Variants in SS18 observed in about 807,000 individuals in gnomAD.
SS18 encodes protein SSXT.
A neutral mutation model predicts 72.5 loss-of-function variants in SS18; 28 were observed. That is an observed-to-expected ratio of 0.39 (90% CI 0.29 to 0.53). SS18 has a LOEUF of 0.53. Among genes scored for constraint, SS18 ranks in the 20% least tolerant of loss-of-function variants. The pLI, the probability that SS18 is intolerant of heterozygous loss-of-function variation, is 0.76. For synonymous variants in SS18, 172 were observed against 164.2 expected (o/e 1.05, Z -0.37); for missense variants, 518 against 535.3 (o/e 0.97, Z 0.32).
chr18:26,077,602 C>T (rs1159550890), intron 3 of SS18, among the ~76,000 whole-genome samples: 1 of 151,986 alleles, frequency 6.6e-6, no homozygotes, highest in Non-Finnish European at 1.5e-5. Flanking sequence ...GGCCTTTTGG[C>T]TAAGATCACG....
At chr18:26,073,505 T>G (rs1434354025) in intron 3 of SS18, among the ~76,000 whole-genome samples, 1 of 152,238 alleles carries the variant, frequency 6.6e-6, no homozygotes, top group Non-Finnish European at 1.5e-5. Flanking sequence ...TTCCATAAGA[T>G]GATGTTTGCC....
intron 5 of SS18, among the ~76,000 whole-genome samples, chr18:26,045,148 C>A (rs928646105): frequency 6.6e-6 from 1 of 152,208 alleles, no homozygotes; most frequent in Non-Finnish European, 1.5e-5. Context: ...ACAGGTCTCC[C>A]TATTTCACCC....
At chr18:26,049,669 C>G (rs988686730) in intron 5 of SS18, among the ~76,000 whole-genome samples, 1 of 152,086 alleles carries the variant, frequency 6.6e-6, no homozygotes, top group Admixed American at 6.6e-5. Context: ...AGCTACCACG[C>G]CCAGCTAATT....
At chr18:26,040,432 T>G (rs1304107290) in intron 5 of SS18, among the ~76,000 whole-genome samples, 1 of 152,194 alleles carries the variant, frequency 6.6e-6, no homozygotes, top group African/African-American at 2.4e-5. Context: ...TTTTCCCAAC[T>G]TGCTGCTTAT....
intron 3 of SS18, among the ~76,000 whole-genome samples, chr18:26,072,803 A>C (rs1249680167): frequency 1.8e-4 from 26 of 147,252 alleles, no homozygotes; most frequent in African/African-American, 6.9e-4. Context: ...TCTCAAAAAA[A>C]AAAAAAAAAA....
intron 4 of SS18, among the ~76,000 whole-genome samples, chr18:26,055,762 T>TG (rs1555649381): frequency 0.051 from 7,484 of 146,476 alleles, 555 homozygotes; most frequent in African/African-American, 0.18. Flanking sequence ...TTTTTTTTTT[T>TG]TTTGTTTTTT....
chr18:26,073,558 T>C (rs910455913), intron 3 of SS18, among the ~76,000 whole-genome samples: 4 of 152,222 alleles, frequency 2.6e-5, no homozygotes, highest in African/African-American at 4.8e-5. Context: ...ACAAAAGCAA[T>C]AGTGGATATA....
intron 3 of SS18, among the ~76,000 whole-genome samples, chr18:26,068,099 G>A (rs543300691): frequency 5.3e-5 from 8 of 152,238 alleles, no homozygotes; most frequent in African/African-American, 1.7e-4. Flanking sequence ...TTTGCAGCCC[G>A]GTTCCTAACA....
At position 26,063,387 on chromosome 18, in the gene SS18, C is replaced by T. The variant is rs185880786; in HGVS notation, c.232-5645G>A. On this transcript the variant is annotated intron_variant, in intron 3 of 10. Coordinates refer to ENST00000415083, the MANE Select transcript of SS18 (RefSeq NM_001007559.3). ...ACAAAAAATTAGCCAGGCGTGGTGGCGGGCGCCTGTAGTCCCAGCTACTCA... is the reference window on the plus strand; with the variant it reads ...ACAAAAAATTAGCCAGGCGTGGTGGTGGGCGCCTGTAGTCCCAGCTACTCA... Among the ~76,000 whole-genome samples, 490 of 152,136 alleles carry T rather than the reference C, an allele frequency of 3.2e-3. 1 individual carries two copies. Among genetic ancestry groups the T allele is most frequent in the African/African-American group, 8.0e-3 (334 of 41,512 alleles).
At chr18:26,071,432 T>C (rs1010738310) in intron 3 of SS18, among the ~76,000 whole-genome samples, 1 of 152,216 alleles carries the variant, frequency 6.6e-6, no homozygotes, top group Non-Finnish European at 1.5e-5. Flanking sequence ...TACATTGATA[T>C]CTGAATTTTC....
intron 9 of SS18, among the ~76,000 whole-genome samples, chr18:26,034,187 CA>C (rs1485979262): frequency 6.6e-6 from 1 of 151,794 alleles, no homozygotes; most frequent in Non-Finnish European, 1.5e-5. Flanking sequence ...CACAGGTAGA[CA>C]AAGATGTCCA....
chr18:26,052,383 T>C (rs915986636), intron 5 of SS18, among the ~76,000 whole-genome samples: 3 of 152,090 alleles, frequency 2.0e-5, no homozygotes, highest in African/African-American at 4.8e-5. Flanking sequence ...AAAACAATTC[T>C]CAACAATACA....
At chr18:26,065,825 G>T (rs1252917805) in intron 3 of SS18, among the ~76,000 whole-genome samples, 1,888 of 17,746 alleles carry the variant, frequency 0.11, no homozygotes, top group Non-Finnish European at 0.2. Context: ...ATATATATAT[G>T]ATCATTTTAA....
At chr18:26,034,669 T>C (rs966718957) in intron 9 of SS18, among the ~76,000 whole-genome samples, 20 of 152,054 alleles carry the variant, frequency 1.3e-4, no homozygotes, top group African/African-American at 4.6e-4. Flanking sequence ...AAGCAGATTA[T>C]ATACATATGG....
intron 2 of SS18, chr18:26,081,187 A>G (rs1323853203): frequency 6.6e-6 from 1 of 152,012 alleles, no homozygotes; most frequent in Non-Finnish European, 1.5e-5. Context: ...CATTCATCAA[A>G]TAAGTATATT....
At position 26,034,588 on chromosome 18, in the gene SS18, C is replaced by G. The variant is rs1350221020; in HGVS notation, c.1096+417G>C. On this transcript the variant is annotated intron_variant, in intron 9 of 10. Transcript: ENST00000415083. ...ATTCTGAATAGATCTCATTTGTACTCAAAAAAAAAAAAAATCAGTATGTCT... is the reference window on the plus strand; with the variant it reads ...ATTCTGAATAGATCTCATTTGTACTGAAAAAAAAAAAAAATCAGTATGTCT... Among the ~76,000 whole-genome samples the G allele has an allele frequency of 4.5e-5, 6 of 133,798 alleles. 1 individual carries two copies. The highest frequency in any genetic ancestry group is 6.6e-5 in the Non-Finnish European group (4 of 60,678). The allele number at this position is 133,798 out of a possible 152,430, so 87.8% of individuals were successfully genotyped here.
chr18:26,041,871 T>A (rs2053734055), intron 5 of SS18, among the ~76,000 whole-genome samples: 1 of 152,202 alleles, frequency 6.6e-6, no homozygotes, highest in African/African-American at 2.4e-5. Context: ...CTTTTGGGAC[T>A]GTGAGCAGTT....
intron 2 of SS18, chr18:26,082,568 G>A (rs2054544331): frequency 1.1e-6 from 1 of 935,570 alleles, no homozygotes; most frequent in Non-Finnish European, 1.3e-6. Flanking sequence ...AGCAAACATA[G>A]GTTGATTTAG....
chr18:26,077,065 A>T lies in SS18; in HGVS notation c.231+1011T>A, dbSNP rs149636788. On this transcript the variant is annotated intron_variant, in intron 3 of 10. Coordinates refer to ENST00000415083, the MANE Select transcript of SS18 (RefSeq NM_001007559.3). ...ATGCAAGAGGGATTATAGAATTAGA[A>T]ATTCACCATTCTGTGATCCCAAAGT... Among the ~76,000 whole-genome samples, 371 of 152,106 alleles carry T rather than the reference A, an allele frequency of 2.4e-3. 3 individuals carry two copies. The highest frequency in any genetic ancestry group is 8.3e-3 in the African/African-American group (343 of 41,542).
Sources: gnomAD v4.1 joint callset for allele counts (sites outside exome capture counted in the v4.1 genomes callset) on GRCh38, gnomAD v4.1.1 for gene constraint, MANE v1.5 for transcripts, NCBI Gene and HGNC (gene_info 2026-07-23, HGNC 2026-07-21) for gene names.